The following HYDIN variants were observed in gnomAD, a reference collection of about 807,000 sequenced individuals.
The protein encoded by HYDIN is axonemal central pair apparatus protein HYDIN.
Under a neutral mutation model 403.9 loss-of-function variants are expected in HYDIN, and 132 were observed. The observed-to-expected ratio is 0.33, with a 90% CI of 0.28 to 0.38. The LOEUF is 0.38. Among genes scored for constraint, HYDIN ranks in the 10% least tolerant of loss-of-function variants. The probability of loss-of-function intolerance (pLI) is 1.00; values close to 1 mark genes in which losing one functional copy is unlikely to be tolerated. For missense variants in HYDIN, 2,827 were observed against 5,009.5 expected (o/e 0.56, Z 13.15); for synonymous variants, 1,202 against 1,891.7 (o/e 0.64, Z 9.46).
At position 70,804,517 on chromosome 16, in the gene HYDIN, G is replaced by A. The variant is rs2035023682; in HGVS notation, c.*3063C>T. On this transcript the variant is annotated 3_prime_UTR_variant, in exon 86 of 86. Transcript: ENST00000393567. ...GTAAGACGGATGAAATCATCAGGAT[G>A]TGGAAACCGCATTCTTTGGTGAATC... is the stretch of plus-strand genomic sequence containing the variant. 1.3e-5 allele frequency among the ~76,000 whole-genome samples: 2 copies of A among 152,208 alleles called. No homozygotes were observed. The highest frequency in any genetic ancestry group is 2.4e-5 in the African/African-American group (1 of 41,452).
chr16:70,917,080 G>C (rs575949920), intron 47 of HYDIN, among the ~76,000 whole-genome samples: 1 of 151,858 alleles, frequency 6.6e-6, no homozygotes, highest in African/African-American at 2.4e-5. Flanking sequence ...ATGCCACCAT[G>C]CCCGGCTAAT....
At chr16:70,891,223 C>T (rs2143717803) in intron 57 of HYDIN, among the ~76,000 whole-genome samples, 1 of 152,256 alleles carries the variant, frequency 6.6e-6, no homozygotes, top group East Asian at 1.9e-4. Context: ...GAGTCTCGTT[C>T]TGTCGCCCAG....
chr16:70,908,874 C>G lies in HYDIN; in HGVS notation c.8005-13G>C, dbSNP rs552548539. On this transcript the variant is annotated splice_polypyrimidine_tract_variant and intron_variant, in intron 47 of 85. Transcript: ENST00000393567. ...GCTCCTCTTGAGCCTTAATTAAAAA[C>G]GAGCATGAGGTCTTAAATATTCACT... The G allele has an allele frequency of 1.8e-5, 29 of 1,609,822 alleles. No homozygotes were observed. The East Asian group carries it at 6.0e-4, about 33-fold the overall frequency.
intron 47 of HYDIN, among the ~76,000 whole-genome samples, chr16:70,915,132 T>C (rs568199934): frequency 1.5e-4 from 23 of 151,996 alleles, no homozygotes; most frequent in African/African-American, 5.1e-4. Flanking sequence ...CTGAATTCTT[T>C]TTCAGGTAAA....
intron 78 of HYDIN, among the ~76,000 whole-genome samples, chr16:70,834,770 C>T (rs2037257390): frequency 6.6e-6 from 1 of 151,568 alleles, no homozygotes; most frequent in Non-Finnish European, 1.5e-5. Flanking sequence ...ATCACTTGAA[C>T]CCAGGAGGTG....
chr16:70,930,460 G>A (rs931012999), intron 45 of HYDIN, among the ~76,000 whole-genome samples: 6 of 151,756 alleles, frequency 4.0e-5, no homozygotes, highest in Non-Finnish European at 7.4e-5. Flanking sequence ...CAGCCTAGGC[G>A]ACTGAGTGAG....
At chr16:71,171,313 T>G (rs775725258) in intron 5 of HYDIN, among the ~76,000 whole-genome samples, 15 of 152,212 alleles carry the variant, frequency 9.9e-5, no homozygotes, top group Non-Finnish European at 2.1e-4. Flanking sequence ...ATCAGAGAAG[T>G]CTTCCTTGAC....
chr16:71,077,783 C>T lies in HYDIN; in HGVS notation c.1738+2102G>A, dbSNP rs539860902. Among the ~76,000 whole-genome samples, 9 of 151,558 alleles carry T rather than the reference C, an allele frequency of 5.9e-5. No individual in the cohort carries two copies. In the East Asian group the frequency reaches 1.6e-3, roughly 26 times the overall value. On this transcript the variant is annotated intron_variant, in intron 13 of 85. Coordinates refer to ENST00000393567, the MANE Select transcript of HYDIN (RefSeq NM_001270974.2). The stretch of plus-strand genomic sequence containing the variant: ...AACTAATATTACTAAATATACATTA[C>T]TAAATGAATAAAGGTCCCCATTAAA...
At chr16:71,179,699 G>GA (rs1255041290) in intron 3 of HYDIN, among the ~76,000 whole-genome samples, 1 of 152,218 alleles carries the variant, frequency 6.6e-6, no homozygotes, top group African/African-American at 2.4e-5. Flanking sequence ...GTTCTATTTT[G>GA]ATTTTAACAA....
At position 70,803,041 on chromosome 16, in the gene HYDIN, C is replaced by T. The variant is rs779298124; in HGVS notation, c.*4539G>A. On this transcript the variant is annotated 3_prime_UTR_variant, in exon 86 of 86. Transcript: ENST00000393567. The stretch of plus-strand genomic sequence containing the variant: ...TTTCTCCAATGTGTGTGCATTTCCA[C>T]GGGACGCATATCTAATATATTTCAT... Among the ~76,000 whole-genome samples the T allele has an allele frequency of 3.3e-4, 50 of 152,258 alleles. No homozygotes were observed. The highest frequency in any genetic ancestry group is 5.4e-4 in the Non-Finnish European group (37 of 68,024).
chr16:70,813,062 C>T (rs1246597656), intron 84 of HYDIN, among the ~76,000 whole-genome samples: 2 of 151,414 alleles, frequency 1.3e-5, no homozygotes, highest in African/African-American at 4.8e-5. Flanking sequence ...AAGCAATTCA[C>T]TTGCCTCACC....
At chr16:71,213,233 G>T (rs2088689288) in intron 1 of HYDIN, among the ~76,000 whole-genome samples, 1 of 152,060 alleles carries the variant, frequency 6.6e-6, no homozygotes, top group African/African-American at 2.4e-5. Context: ...AATCTAAGAG[G>T]CAAGAAGAAA....
chr16:71,007,506 G>C (rs966206276), intron 23 of HYDIN, among the ~76,000 whole-genome samples: 2 of 151,864 alleles, frequency 1.3e-5, no homozygotes, highest in African/African-American at 4.8e-5. Flanking sequence ...GCAGAAATGG[G>C]GTCTTGGACT....
chr16:71,041,655 A>G (rs2081291005), intron 18 of HYDIN, among the ~76,000 whole-genome samples: 1 of 152,244 alleles, frequency 6.6e-6, no homozygotes, highest in South Asian at 2.1e-4. Context: ...ATACAGACAG[A>G]CCACACACAC....
chr16:70,976,467 C>T (rs376606841), intron 30 of HYDIN, among the ~76,000 whole-genome samples: 14 of 150,634 alleles, frequency 9.3e-5, no homozygotes, highest in East Asian at 7.8e-4. Flanking sequence ...ATCTTAATTG[C>T]GGTGGTGGGT....
chr16:71,048,396 G>GT (rs2081520974), intron 18 of HYDIN, among the ~76,000 whole-genome samples: 1 of 129,752 alleles, frequency 7.7e-6, no homozygotes, highest in African/African-American at 2.8e-5. Context: ...TCTATTTTTA[G>GT]TTTTTTGAGC....
chr16:71,073,665 C>G (rs4606725), intron 13 of HYDIN, among the ~76,000 whole-genome samples: 1 of 152,038 alleles, frequency 6.6e-6, no homozygotes, highest in Non-Finnish European at 1.5e-5. Context: ...TATTCTCATT[C>G]AACACATCCT....
In HYDIN at chr16:70,883,959, C is replaced by T. The variant is rs191530299; in HGVS notation, c.9940G>A (p.Gly3314Ser). Residue 3314 changes from glycine to serine, a missense_variant, in exon 59 of 86, where the codon GGC becomes AGC. By Grantham distance (56) the Gly-to-Ser change is moderately conservative. Coordinates refer to ENST00000393567, the MANE Select transcript of HYDIN (RefSeq NM_001270974.2). ...SGRDPAVHPA[G>S]ILYTLLAEAC... is the part of the protein sequence containing the mutation. ...TCAGCTAGCAAAGTGTAAAGAATGC[C>T]GGCAGGGTGGACTGCAGGGTCTCGG... 3.2e-5 allele frequency: 52 copies of T among 1,613,984 alleles called. No homozygotes were observed. The highest frequency in any genetic ancestry group is 4.0e-5 in the African/African-American group (3 of 74,872).
chr16:71,199,805 A>T (rs984624098), intron 1 of HYDIN, among the ~76,000 whole-genome samples: 1 of 152,198 alleles, frequency 6.6e-6, no homozygotes, highest in Non-Finnish European at 1.5e-5. Context: ...AAATTTGAAG[A>T]CAAAATGGCA....
Sources: allele counts gnomAD v4.1 joint callset (sites outside exome capture counted in the v4.1 genomes callset), GRCh38; gene constraint gnomAD v4.1.1; transcripts MANE v1.5; gene names NCBI Gene and HGNC (gene_info 2026-07-23, HGNC 2026-07-21).